BICC1: variants seen among roughly 807,000 people sequenced by gnomAD.
BICC1 encodes the protein protein bicaudal C homolog 1.
In BICC1, 43 loss-of-function variants were observed where a neutral mutation model predicts 111.0. That is an observed-to-expected ratio of 0.39 (90% confidence interval 0.30 to 0.50). The LOEUF is 0.50. Ranked by LOEUF, BICC1 falls within the 20% of genes least tolerant of loss-of-function variation. The pLI, the probability that BICC1 is intolerant of heterozygous loss-of-function variation, is 0.88. For missense variants in BICC1, 1,091 were observed against 1,203.2 expected (o/e 0.91, Z 1.38); for synonymous variants, 467 against 434.4 (o/e 1.07, Z -0.93).
rs1191174104 is a variant in BICC1 at position 58,657,407 on chromosome 10, A to G, written c.237+36506A>G. Among the ~76,000 whole-genome samples, 5 of 152,118 alleles carry G rather than the reference A, an allele frequency of 3.3e-5. No individual in the cohort carries two copies. The East Asian group carries it at 9.6e-4, about 29-fold the overall frequency. On this transcript the variant is annotated intron_variant, in intron 2 of 20. Transcript: ENST00000373886. ...TTTTGTATGTTCCTGAGGAACGTGC[A>G]CTAGTAGTTTTTGTGTATCTCAGTA...
At chr10:58,543,162 A>C (rs1463241650) in intron 1 of BICC1, among the ~76,000 whole-genome samples, 1 of 152,152 alleles carries the variant, frequency 6.6e-6, no homozygotes, top group Non-Finnish European at 1.5e-5. Context: ...TGATATAGAC[A>C]TACAATGGAA....
intron 2 of BICC1, among the ~76,000 whole-genome samples, chr10:58,658,990 A>G (rs1588983934): frequency 6.6e-6 from 1 of 152,052 alleles, no homozygotes; most frequent in Non-Finnish European, 1.5e-5. Flanking sequence ...ATGTGTATGA[A>G]TGTGTGTATG....
At chr10:58,653,369 T>C (rs1838512531) in intron 2 of BICC1, among the ~76,000 whole-genome samples, 1 of 152,132 alleles carries the variant, frequency 6.6e-6, no homozygotes, top group Non-Finnish European at 1.5e-5. Flanking sequence ...TCAGTTCTTT[T>C]AGAAACTGAG....
intron 1 of BICC1, among the ~76,000 whole-genome samples, chr10:58,608,545 G>A (rs1845309623): frequency 6.6e-6 from 1 of 152,198 alleles, no homozygotes; most frequent in Admixed American, 6.5e-5. Context: ...AGTCTCTACA[G>A]TAGTTATTCT....
At position 58,789,889 on chromosome 10, in the gene BICC1, C is replaced by T. The variant is rs993019997; in HGVS notation, c.1003C>T (p.Gln335Ter). The T allele has an allele frequency of 6.2e-7, 1 of 1,614,162 alleles. No individual in the cohort carries two copies. Among genetic ancestry groups the T allele is most frequent in the Non-Finnish European group, 8.5e-7 (1 of 1,180,018 alleles). The change falls in exon 8 of 21, where the codon CAG becomes TAG. Residue 335 changes from glutamine to a stop codon, truncating the protein, a stop_gained. Coordinates refer to ENST00000373886, the MANE Select transcript of BICC1 (RefSeq NM_001080512.3). LOFTEE classifies it high-confidence loss of function. Reference sequence around the variant, plus strand: ...ACAAAAGAAATCTACCGTCTACCTCCAGGGCACCATTGAGTCTGTCTGTCT... The same window carrying T: ...ACAAAAGAAATCTACCGTCTACCTCTAGGGCACCATTGAGTCTGTCTGTCT... Reference protein sequence around the residue: ...NPQKKSTVYLQGTIESVCLAR... With the variant: ...NPQKKSTVYL
chr10:58,594,832 A>G (rs1327342908), intron 1 of BICC1, among the ~76,000 whole-genome samples: 1 of 152,180 alleles, frequency 6.6e-6, no homozygotes, highest in African/African-American at 2.4e-5. Flanking sequence ...GAGCAAAACA[A>G]CCAGCTAGCA....
intron 1 of BICC1, among the ~76,000 whole-genome samples, chr10:58,551,302 C>T (rs1843289736): frequency 6.6e-6 from 1 of 152,142 alleles, no homozygotes; most frequent in South Asian, 2.1e-4. Context: ...GGTGAATTTG[C>T]TAAATGGCTG....
At chr10:58,635,075 A>G (rs1263632204) in intron 2 of BICC1, among the ~76,000 whole-genome samples, 1 of 152,110 alleles carries the variant, frequency 6.6e-6, no homozygotes, top group Non-Finnish European at 1.5e-5. Context: ...TCAAGAGTCA[A>G]CTGTATATGT....
chr10:58,757,671 C>T (rs147281111), intron 3 of BICC1, among the ~76,000 whole-genome samples: 1 of 152,220 alleles, frequency 6.6e-6, no homozygotes, highest in Non-Finnish European at 1.5e-5. Flanking sequence ...AGAGCCAGGA[C>T]CCCCCATCCA....
At chr10:58,818,167 G>T (rs555315221) in intron 19 of BICC1, among the ~76,000 whole-genome samples, 23 of 152,178 alleles carry the variant, frequency 1.5e-4, no homozygotes, top group African/African-American at 4.1e-4. Flanking sequence ...GCTGAAGTCT[G>T]TTCTTACAGA....
Position 58,601,944 on chromosome 10 carries a change from T to G in BICC1, c.191-18911T>G, listed in dbSNP as rs116428784. Among the ~76,000 whole-genome samples the G allele has an allele frequency of 9.6e-3, 1,457 of 152,214 alleles. 22 individuals are homozygous for G. Among genetic ancestry groups the G allele is most frequent in the African/African-American group, 0.034 (1,394 of 41,566 alleles). ...AAGATATTCTAGAGAATGTTTACAT[T>G]ATATATTTCAGGATAGGTGTCTCAG... On this transcript the variant is annotated intron_variant, in intron 1 of 20. Transcript: ENST00000373886.
chr10:58,554,794 ATTT>A (rs34123447), intron 1 of BICC1, among the ~76,000 whole-genome samples: 1 of 144,680 alleles, frequency 6.9e-6, no homozygotes, highest in Admixed American at 6.9e-5. Context: ...CTTACATTTG[ATTT>A]TTTTTTTTTT....
intron 2 of BICC1, among the ~76,000 whole-genome samples, chr10:58,696,925 AC>A (rs899767023): frequency 6.6e-6 from 1 of 151,884 alleles, no homozygotes; most frequent in Non-Finnish European, 1.5e-5. Flanking sequence ...GGCTTCCCCC[AC>A]CCCCCTGCTG....
chr10:58,693,130 G>A (rs970629461), intron 2 of BICC1, among the ~76,000 whole-genome samples: 7 of 152,074 alleles, frequency 4.6e-5, no homozygotes, highest in Admixed American at 6.5e-5. Flanking sequence ...TTGTCCTTGC[G>A]ATAGTTTGCT....
intron 1 of BICC1, among the ~76,000 whole-genome samples, chr10:58,522,158 C>A (rs1269218780): frequency 6.6e-6 from 1 of 151,652 alleles, no homozygotes; most frequent in Non-Finnish European, 1.5e-5. Context: ...TATATTCTTG[C>A]GGAGGGCAAT....
chr10:58,645,097 G>C lies in BICC1; in HGVS notation c.237+24196G>C, dbSNP rs145045872. Among the ~76,000 whole-genome samples the C allele has an allele frequency of 2.0e-5, 3 of 152,224 alleles. No individual in the cohort carries two copies. The East Asian group carries it at 5.8e-4, about 29-fold the overall frequency. The stretch of plus-strand genomic sequence containing the variant: ...TAGTACCCTAGGTCAAAGTAGGGAA[G>C]CTCATGATATGTTTTAAAGAGGGAA... On this transcript the variant is annotated intron_variant, in intron 2 of 20. Coordinates refer to ENST00000373886, the MANE Select transcript of BICC1 (RefSeq NM_001080512.3).
At chr10:58,809,259 C>T (rs890791595) in intron 17 of BICC1, among the ~76,000 whole-genome samples, 18 of 151,992 alleles carry the variant, frequency 1.2e-4, no homozygotes, top group Non-Finnish European at 2.9e-5. Context: ...TGGTCTCAAA[C>T]TCCTGACCTC....
At chr10:58,683,850 A>C (rs1204182585) in intron 2 of BICC1, among the ~76,000 whole-genome samples, 2 of 152,114 alleles carry the variant, frequency 1.3e-5, no homozygotes, top group Non-Finnish European at 2.9e-5. Flanking sequence ...TCTTTTCCTA[A>C]TTGAATACCC....
In BICC1 at chr10:58,813,847, T is replaced by C; in HGVS notation, c.2394T>C (p.Leu798=). The C allele has an allele frequency of 6.2e-7, 1 of 1,613,948 alleles. No individual in the cohort carries two copies. Among genetic ancestry groups the C allele is most frequent in the Admixed American group, 1.7e-5 (1 of 60,002 alleles). ...TTTYEGSSMS[L]SRSNSREHLG... ...GTTTACAGGGCTCATCCATGTCCCT[T>C]TCACGGTCCAACAGTCGTGAGCACT... Residue 798 remains leucine, a synonymous_variant, in exon 18 of 21, where the codon CTT becomes CTC. Transcript: ENST00000373886.
Sources: gnomAD v4.1 joint callset for allele counts (sites outside exome capture counted in the v4.1 genomes callset) on GRCh38, gnomAD v4.1.1 for gene constraint, MANE v1.5 for transcripts, NCBI Gene and HGNC (gene_info 2026-07-23, HGNC 2026-07-21) for gene names.